Variants in DLG2 observed in about 807,000 individuals in gnomAD.
The protein encoded by DLG2 is discs large MAGUK scaffold protein 2, also known as disks large homolog 2.
A neutral mutation model predicts 132.5 loss-of-function variants in DLG2; 45 were observed. That is an observed-to-expected ratio of 0.34 (90% CI 0.27 to 0.44). DLG2 has a LOEUF of 0.44. DLG2 is among the 20% of genes least tolerant of loss of function. The probability of loss-of-function intolerance (pLI) is 1.00; values close to 1 mark genes in which losing one functional copy is unlikely to be tolerated. For synonymous variants in DLG2, 424 were observed against 419.6 expected, an observed-to-expected ratio of 1.01 and a Z score of -0.13; for missense variants, 1,045 against 1,196.9, an observed-to-expected ratio of 0.87 and a Z score of 1.87.
At chr11:84,803,812 C>T (rs2075696400) in intron 6 of DLG2, among the ~76,000 whole-genome samples, 1 of 152,130 alleles carries the variant, frequency 6.6e-6, no homozygotes, top group Admixed American at 6.5e-5. Context: ...TTTTTATTGT[C>T]CTTAAGGCAT....
chr11:84,741,056 CTTTTTTTTTTT>C (rs1163275954), intron 6 of DLG2, among the ~76,000 whole-genome samples: 58 of 79,330 alleles, frequency 7.3e-4, no homozygotes, highest in African/African-American at 2.7e-3. Context: ...TGCCTATGCT[CTTTTTTTTTTT>C]TTTTTTTTTT....
chr11:84,204,343 C>T (rs1005962010), intron 8 of DLG2, among the ~76,000 whole-genome samples: 1 of 152,128 alleles, frequency 6.6e-6, no homozygotes, highest in African/African-American at 2.4e-5. Context: ...TAGAGAAATA[C>T]AGTACAATAA....
chr11:84,165,893 G>T (rs980648177), intron 8 of DLG2, among the ~76,000 whole-genome samples: 2 of 151,846 alleles, frequency 1.3e-5, no homozygotes, highest in Non-Finnish European at 2.9e-5. Context: ...GTGAGATCCC[G>T]TCTCAAAAAC....
chr11:83,921,785 C>G (rs1290858339), intron 15 of DLG2, among the ~76,000 whole-genome samples: 1 of 152,128 alleles, frequency 6.6e-6, no homozygotes, highest in African/African-American at 2.4e-5. Flanking sequence ...AAAACACAAA[C>G]AGACATACTA....
chr11:85,296,866 T>A (rs1462628408), intron 3 of DLG2, among the ~76,000 whole-genome samples: 3 of 150,108 alleles, frequency 2.0e-5, no homozygotes, highest in Non-Finnish European at 3.0e-5. Flanking sequence ...AATTTTATTA[T>A]AATTATGATG....
chr11:84,950,786 G>A (rs6592222), intron 6 of DLG2, among the ~76,000 whole-genome samples: 106,730 of 151,824 alleles, frequency 0.7, 38,738 homozygotes, highest in East Asian at 0.95. Context: ...GCGGATATCT[G>A]TGAGTATATA....
chr11:84,466,402 T>C (rs2099094483), intron 7 of DLG2, among the ~76,000 whole-genome samples: 1 of 150,038 alleles, frequency 6.7e-6, no homozygotes, highest in Non-Finnish European at 1.5e-5. Context: ...AACACAAAGA[T>C]CTGATCACTT....
chr11:84,557,351 T>C (rs944135390), intron 6 of DLG2, among the ~76,000 whole-genome samples: 2 of 152,182 alleles, frequency 1.3e-5, no homozygotes, highest in African/African-American at 4.8e-5. Context: ...TCCAGCCTGC[T>C]GCCCTGCCCT....
intron 18 of DLG2, among the ~76,000 whole-genome samples, chr11:83,684,050 C>T (rs777889177): frequency 2.1e-4 from 32 of 152,072 alleles, no homozygotes; most frequent in Non-Finnish European, 4.3e-4. Flanking sequence ...CCTTTTCAAA[C>T]AAGCTCCTAC....
intron 3 of DLG2, among the ~76,000 whole-genome samples, chr11:85,301,001 G>C (rs762301323): frequency 1.3e-5 from 2 of 152,100 alleles, no homozygotes; most frequent in Non-Finnish European, 2.9e-5. Context: ...AAGAGCTCAA[G>C]ACCATCCTGG....
chr11:85,228,137 C>A (rs2075084968), intron 4 of DLG2, among the ~76,000 whole-genome samples: 1 of 151,994 alleles, frequency 6.6e-6, no homozygotes, highest in African/African-American at 2.4e-5. Flanking sequence ...TACCCTATCT[C>A]CTAGGAGTTC....
intron 6 of DLG2, among the ~76,000 whole-genome samples, chr11:84,591,223 C>CTCTGTCCGTGTGTG (rs1555073566): frequency 7.2e-6 from 1 of 139,222 alleles, no homozygotes; most frequent in Admixed American, 7.3e-5. Flanking sequence ...ATGTGTCTCT[C>CTCTGTCCGTGTGTG]TGTGTGTGTG....
chr11:84,976,450 G>T (rs532691709), intron 6 of DLG2, among the ~76,000 whole-genome samples: 3 of 152,124 alleles, frequency 2.0e-5, no homozygotes, highest in Admixed American at 2.0e-4. Flanking sequence ...TATTCCTTGG[G>T]TGGTTTCATC....
intron 7 of DLG2, among the ~76,000 whole-genome samples, chr11:84,348,435 C>T (rs985867927): frequency 2.6e-5 from 4 of 152,084 alleles, no homozygotes; most frequent in Non-Finnish European, 5.9e-5. Flanking sequence ...GAAAGATATT[C>T]CATGGGATGT....
chr11:84,885,414 G>A lies in DLG2; in HGVS notation c.357+226247C>T, dbSNP rs575286790. ...CAGTGGCATATTCATAGCTTATTGC[G>A]GCCTCAAACTCCTGGGCTCAAGTGA... On this transcript the variant is annotated intron_variant, in intron 6 of 27. Coordinates refer to ENST00000376104, the MANE Select transcript of DLG2 (RefSeq NM_001142699.3). Among the ~76,000 whole-genome samples the A allele has an allele frequency of 1.4e-4, 22 of 151,972 alleles. No individual in the cohort carries two copies. In the East Asian group the frequency reaches 2.7e-3, roughly 19 times the overall value.
chr11:85,100,110 A>G (rs755185298), intron 6 of DLG2, among the ~76,000 whole-genome samples: 18 of 152,214 alleles, frequency 1.2e-4, no homozygotes, highest in Non-Finnish European at 2.5e-4. Context: ...TAAGTAAATT[A>G]ACTCATATAA....
chr11:84,201,205 T>G (rs896969211), intron 8 of DLG2, among the ~76,000 whole-genome samples: 2 of 152,190 alleles, frequency 1.3e-5, no homozygotes, highest in East Asian at 1.9e-4. Flanking sequence ...GAGATAATCA[T>G]GTGGTTTTTG....
At chr11:84,923,312 C>G (rs974954331) in intron 6 of DLG2, 175 of 1,422,848 alleles carry the variant, frequency 1.2e-4, no homozygotes, top group Middle Eastern at 5.3e-4. Context: ...AAAATCTCTT[C>G]ATTGGCTATA....
At chr11:85,039,215 T>C (rs538268408) in intron 6 of DLG2, among the ~76,000 whole-genome samples, 9 of 132,964 alleles carry the variant, frequency 6.8e-5, no homozygotes, top group Non-Finnish European at 1.1e-4. Flanking sequence ...CTTCCTGTAA[T>C]TGGTCCTACT....
Sources: allele counts gnomAD v4.1 joint callset (sites outside exome capture counted in the v4.1 genomes callset), GRCh38; gene constraint gnomAD v4.1.1; transcripts MANE v1.5; gene names NCBI Gene and HGNC (gene_info 2026-07-23, HGNC 2026-07-21).